The following EFNB2 variants were observed in gnomAD, a reference collection of about 807,000 sequenced individuals.
The protein encoded by EFNB2 is ephrin-B2.
EFNB2 carries 5 observed loss-of-function variants against 32.1 expected under a neutral mutation model. That is an observed-to-expected ratio of 0.16 (90% CI 0.08 to 0.33). The LOEUF (loss-of-function observed/expected upper bound fraction) is 0.33, where lower values mean the gene tolerates loss of function less well. Ranked by LOEUF, EFNB2 falls within the 10% of genes least tolerant of loss-of-function variation. The probability of loss-of-function intolerance (pLI) is 1.00; values close to 1 mark genes in which losing one functional copy is unlikely to be tolerated. For synonymous variants in EFNB2, 168 were observed against 166.5 expected (o/e 1.01, Z -0.07); for missense variants, 263 against 422.6 (o/e 0.62, Z 3.31).
chr13:106,505,723 A>T (rs181711354), intron 2 of EFNB2, among the ~76,000 whole-genome samples: 97 of 152,336 alleles, frequency 6.4e-4, no homozygotes, highest in Non-Finnish European at 1.1e-3. Flanking sequence ...TCATTCTTGT[A>T]CTAGGTCTCT....
intron 1 of EFNB2, among the ~76,000 whole-genome samples, chr13:106,515,290 G>A (rs777335846): frequency 5.9e-5 from 9 of 152,080 alleles, no homozygotes; most frequent in South Asian, 2.1e-4. Context: ...TTACAAACAC[G>A]CCAGGCCTTC....
In EFNB2 at chr13:106,522,609, A is replaced by G. The variant is rs74726784; in HGVS notation, c.123-9797T>C. On this transcript the variant is annotated intron_variant, in intron 1 of 4. Transcript: ENST00000646441. ...TTCAGCTACAGTGACAAGCATAACA[A>G]TACTACAATCTAGAGTTAGGGAGAG... 8.8e-3 allele frequency among the ~76,000 whole-genome samples: 1,333 copies of G among 152,342 alleles called. 16 individuals are homozygous for G. Among genetic ancestry groups the G allele is most frequent in the African/African-American group, 0.031 (1,275 of 41,564 alleles).
intron 1 of EFNB2, chr13:106,520,488 C>T (rs553215595): frequency 1.3e-5 from 2 of 152,358 alleles, no homozygotes; most frequent in African/African-American, 4.8e-5. Context: ...GCATTAACAC[C>T]AAAGACCAAG....
intron 3 of EFNB2, 63 bp from the exon 4 acceptor site, chr13:106,495,057 T>G: frequency 5.4e-6 from 7 of 1,291,522 alleles, no homozygotes; most frequent in Non-Finnish European, 7.9e-6. Flanking sequence ...CTTTAGGAGC[T>G]GCATATATAT....
intron 1 of EFNB2, among the ~76,000 whole-genome samples, chr13:106,522,544 A>G (rs1879558924): frequency 6.6e-6 from 1 of 152,238 alleles, no homozygotes; most frequent in Admixed American, 6.5e-5. Context: ...TAAGTCATAC[A>G]GGGAATGCCT....
chr13:106,525,207 G>A (rs1232814863), intron 1 of EFNB2, among the ~76,000 whole-genome samples: 3 of 152,086 alleles, frequency 2.0e-5, no homozygotes, highest in South Asian at 2.1e-4. Flanking sequence ...ATAGAGATGG[G>A]ACAACTGAGA....
intron 2 of EFNB2, among the ~76,000 whole-genome samples, chr13:106,504,091 A>G (rs1187735592): frequency 1.3e-5 from 2 of 152,168 alleles, no homozygotes; most frequent in Non-Finnish European, 2.9e-5. Flanking sequence ...CCTGCTCTGA[A>G]GATTCTGACA....
At chr13:106,522,178 G>C (rs185687030) in intron 1 of EFNB2, among the ~76,000 whole-genome samples, 102 of 152,234 alleles carry the variant, frequency 6.7e-4, no homozygotes, top group Middle Eastern at 6.9e-3. Flanking sequence ...AAGTGAGAAG[G>C]GGGGTGATCT....
chr13:106,501,635 C>T (rs1878783245), intron 2 of EFNB2, among the ~76,000 whole-genome samples: 1 of 151,774 alleles, frequency 6.6e-6, no homozygotes, highest in Non-Finnish European at 1.5e-5. Context: ...CTCTGTCACC[C>T]AGGCTGGAGT....
In EFNB2 at chr13:106,535,024, C is replaced by G; in HGVS notation, c.-60G>C. On this transcript the variant is annotated 5_prime_UTR_variant, in exon 1 of 5. Transcript: ENST00000646441. ...CAAGAAGGGACTGACGGGACGCAGG[C>G]TGGGACCCCCAATCCTCCGGGGCAG... 2 of 1,598,970 alleles carry G rather than the reference C, an allele frequency of 1.3e-6. No homozygotes were observed. The highest frequency in any genetic ancestry group is 1.7e-6 in the Non-Finnish European group (2 of 1,173,470).
intron 1 of EFNB2, chr13:106,520,809 C>CT (rs1175758540): frequency 4.6e-5 from 7 of 152,258 alleles, no homozygotes; most frequent in African/African-American, 1.7e-4. Context: ...CCCTTTTGCA[C>CT]TTTAACATCA....
At chr13:106,496,765 C>A (rs1594161196) in intron 2 of EFNB2, among the ~76,000 whole-genome samples, 1 of 152,130 alleles carries the variant, frequency 6.6e-6, no homozygotes, top group African/African-American at 2.4e-5. Context: ...CCAGCGAGGT[C>A]TCTGAATAGC....
intron 2 of EFNB2, among the ~76,000 whole-genome samples, chr13:106,502,082 G>A (rs190354514): frequency 8.5e-5 from 13 of 152,242 alleles, no homozygotes; most frequent in Admixed American, 2.6e-4. Context: ...TGAAAATATC[G>A]TTCAATATGA....
intron 1 of EFNB2, among the ~76,000 whole-genome samples, chr13:106,524,019 A>G (rs1209359268): frequency 7.9e-5 from 12 of 152,214 alleles, no homozygotes; most frequent in Non-Finnish European, 1.8e-4. Flanking sequence ...CCAAAGGAAT[A>G]CTACTCAATA....
chr13:106,502,820 A>G (rs1374006384), intron 2 of EFNB2, among the ~76,000 whole-genome samples: 3 of 146,900 alleles, frequency 2.0e-5, no homozygotes, highest in Admixed American at 6.8e-5. Context: ...CTGGCTACAG[A>G]CACTCAAGAG....
chr13:106,496,480 A>G lies in EFNB2; in HGVS notation c.407-640T>C, dbSNP rs372705889. Among the ~76,000 whole-genome samples, 14 of 152,330 alleles carry G rather than the reference A, an allele frequency of 9.2e-5. 1 individual carries two copies. Among genetic ancestry groups the G allele is most frequent in the African/African-American group, 3.4e-4 (14 of 41,586 alleles). ...TGTTATTACTGCCAATGTCAACCTT[A>G]GTCAACCTCTTCAACCAAACTACCT... is the stretch of plus-strand genomic sequence containing the variant. On this transcript the variant is annotated intron_variant, in intron 2 of 4. Coordinates refer to ENST00000646441, the MANE Select transcript of EFNB2 (RefSeq NM_004093.4).
Position 106,499,963 on chromosome 13 carries a change from C to T in EFNB2, c.407-4123G>A, listed in dbSNP as rs552188440. Among the ~76,000 whole-genome samples the T allele has an allele frequency of 2.5e-3, 383 of 152,268 alleles. 4 individuals are homozygous for T. The highest frequency in any genetic ancestry group is 6.8e-3 in the Middle Eastern group (2 of 294). ...GCGTTCACATCGTCTAAAAGTTCTGCAGCACATCTGAAACCACACAGCTGC... is the reference window on the plus strand; with the variant it reads ...GCGTTCACATCGTCTAAAAGTTCTGTAGCACATCTGAAACCACACAGCTGC... On this transcript the variant is annotated intron_variant, in intron 2 of 4. Coordinates refer to ENST00000646441, the MANE Select transcript of EFNB2 (RefSeq NM_004093.4).
intron 1 of EFNB2, among the ~76,000 whole-genome samples, chr13:106,529,617 G>A (rs1457459726): frequency 2.6e-5 from 4 of 152,168 alleles, no homozygotes; most frequent in Non-Finnish European, 5.9e-5. Context: ...AAGGGCCTTC[G>A]TCCCGCGCCC....
chr13:106,519,721 G>A (rs1879435993), intron 1 of EFNB2: 1 of 151,958 alleles, frequency 6.6e-6, no homozygotes, highest in Admixed American at 6.6e-5. Context: ...GACCACTTTG[G>A]GCTACTGAAT....
Sources: allele counts gnomAD v4.1 joint callset (sites outside exome capture counted in the v4.1 genomes callset), GRCh38; gene constraint gnomAD v4.1.1; transcripts MANE v1.5; gene names NCBI Gene and HGNC (gene_info 2026-07-23, HGNC 2026-07-21).